Variants in SEMA6B observed in about 807,000 individuals in gnomAD.
SEMA6B encodes the protein semaphorin 6B, also known as semaphorin-6B.
Under a neutral mutation model 78.6 loss-of-function variants are expected in SEMA6B, and 47 were observed. That is an observed-to-expected ratio of 0.60 (90% CI 0.47 to 0.76). The LOEUF is 0.76. Among genes scored for constraint, SEMA6B ranks in the 30% least tolerant of loss-of-function variants. SEMA6B has a pLI of 0.00. For synonymous variants in SEMA6B, 632 were observed against 592.2 expected (o/e 1.07, Z -0.98); for missense variants, 1,213 against 1,269.9 (o/e 0.96, Z 0.68).
chr19:4,543,593 C>A lies in SEMA6B; in HGVS notation c.*8G>T. On this transcript the variant is annotated 3_prime_UTR_variant, in exon 17 of 17. Transcript: ENST00000586582. ...CTGGCACTGCCAAGGCATCGGGGGG[C>A]CCCCGGCCTAGGGCACGGGGGGCGC... The A allele has an allele frequency of 2.5e-6, 3 of 1,215,302 alleles. No homozygotes were observed. Among genetic ancestry groups the A allele is most frequent in the East Asian group, 3.1e-5 (1 of 32,118 alleles). The allele number at this position is 1,215,302 out of a possible 1,614,324, so 75.3% of individuals were successfully genotyped here.
Position 4,550,090 on chromosome 19 carries a change from C to G in SEMA6B, c.1271+33G>C. 6.2e-7 allele frequency: 1 copy of G among 1,609,482 alleles called. No individual in the cohort carries two copies. Among genetic ancestry groups the G allele is most frequent in the Non-Finnish European group, 8.5e-7 (1 of 1,177,398 alleles). ...ACCCTCCATCTACCCCATCCTGTCT[C>G]CCCTCGCCATGCCCTGCCTCTCCAG... On this transcript the variant is annotated intron_variant, in intron 12 of 16. Transcript: ENST00000586582. The surrounding 1 kb of genome is among the most constrained non-coding windows in gnomAD (Gnocchi z 6.6).
In SEMA6B at chr19:4,549,645, A is replaced by AT. The variant is rs558400820; in HGVS notation, c.1271+477dup. On this transcript the variant is annotated intron_variant, in intron 12 of 16. Transcript: ENST00000586582. ...AGGCGCCTGCCACCACGCCCAGCTA[A>AT]TTTTTTGTATTTTTAGTAGAGACGG... 1.3e-3 allele frequency among the ~76,000 whole-genome samples: 196 copies of AT among 152,084 alleles called. 5 individuals carry two copies. In the East Asian group the frequency reaches 0.033, roughly 26 times the overall value.
In SEMA6B at chr19:4,546,347, G is replaced by A. The variant is rs761990093; in HGVS notation, c.1679+45C>T. ...GAGATCAGGGGGATCTGGGATCATG[G>A]GCGGGTCTGACACACCCTCCACCCA... On this transcript the variant is annotated intron_variant, in intron 15 of 16. Transcript: ENST00000586582. 3.1e-6 allele frequency: 5 copies of A among 1,592,236 alleles called. No homozygotes were observed. In the African/African-American group the frequency reaches 5.4e-5, roughly 17 times the overall value.
chr19:4,552,535 G>A lies in SEMA6B; in HGVS notation c.876C>T (p.Cys292=), dbSNP rs753020253. ...AGAAATGGGAGTCTCCGGGTACAGA[G>A]CAGTTGAGCCGCGCCTTCAGGAAGG... is the stretch of plus-strand genomic sequence containing the variant. ...WTSFLKARLN[C]SVPGDSHFYF... The change falls in exon 10 of 17, where the codon TGC becomes TGT. Residue 292 remains cysteine (C), a synonymous_variant. Coordinates refer to ENST00000586582, the MANE Select transcript of SEMA6B (RefSeq NM_032108.4). The surrounding 1 kb of genome is among the most constrained non-coding windows in gnomAD (Gnocchi z 7.4). The A allele has an allele frequency of 5.0e-6, 8 of 1,612,942 alleles. No homozygotes were observed. Among genetic ancestry groups the A allele is most frequent in the Middle Eastern group, 3.3e-4 (2 of 6,060 alleles).
chr19:4,555,221 G>A lies in SEMA6B; in HGVS notation c.563-126C>T, dbSNP rs1017833402. ...AGGGGAGCCCCTGTCTCCAGGCTGA[G>A]CCCTGATCCCATCCAAGCCCCACCT... is the stretch of plus-strand genomic sequence containing the variant. On this transcript the variant is annotated intron_variant, in intron 7 of 16. Transcript: ENST00000586582. This position sits in a 1 kb window ranked among gnomAD's most constrained non-coding sequence, Gnocchi z 6.1. 8 of 1,062,894 alleles carry A rather than the reference G, an allele frequency of 7.5e-6. No individual in the cohort carries two copies. In the Admixed American group the frequency reaches 1.9e-4, roughly 25 times the overall value. 65.8% of individuals were successfully genotyped at this position (1,062,894 alleles called of 1,614,324 possible). A position where few individuals can be genotyped will look rare whatever the true frequency, so the allele number is the denominator to read the frequency against.
intron 16 of SEMA6B, chr19:4,545,675 T>G (rs990435166): frequency 1.3e-5 from 2 of 152,956 alleles, no homozygotes; most frequent in African/African-American, 2.4e-5. Flanking sequence ...GTCTGCCTTC[T>G]GTTGTCTCTT....
chr19:4,556,955 T>C lies in SEMA6B; in HGVS notation c.365A>G (p.Gln122Arg), dbSNP rs1296989798. The C allele has an allele frequency of 3.7e-6, 6 of 1,612,964 alleles. No individual in the cohort carries two copies. Among genetic ancestry groups the C allele is most frequent in the Non-Finnish European group, 5.1e-6 (6 of 1,179,424 alleles). Residue 122 changes from glutamine to arginine, a missense_variant, in exon 5 of 17, where the codon CAG becomes CGG. Physicochemically the swap from Gln to Arg is conservative, Grantham distance 43. Coordinates refer to ENST00000586582, the MANE Select transcript of SEMA6B (RefSeq NM_032108.4). The stretch of plus-strand genomic sequence containing the variant: ...ACCGAGCCAGGGCCAACTCACCTCC[T>C]GTTTGCCCTTCATCCGACACACGTT... ...DINVCRMKGK[Q>R]EGECRNFVKV...
At position 4,544,270 on chromosome 19, in the gene SEMA6B, GC is replaced by G; in HGVS notation, c.1997del (p.Gly666AlafsTer19). On this transcript the variant is annotated frameshift_variant, in exon 17 of 17. Coordinates refer to ENST00000586582, the MANE Select transcript of SEMA6B (RefSeq NM_032108.4). LOFTEE classifies it high-confidence loss of function. This position sits in a 1 kb window ranked among gnomAD's most constrained non-coding sequence, Gnocchi z 5.1. ...CCCCGGCGCCACCGCCACCGCCTCCGCCCCGGCCCCCGGGACCCTGCGCCCT... is the reference window on the plus strand; with the variant it reads ...CCCCGGCGCCACCGCCACCGCCTCCGCCCGGCCCCCGGGACCCTGCGCCCT... ...ERRAQGPGGR[G>X]GGGGGGAGVP... is the part of the protein sequence containing the mutation. The G allele has an allele frequency of 7.7e-7, 1 of 1,306,530 alleles. No individual in the cohort carries two copies. The highest frequency in any genetic ancestry group is 1.6e-5 in the African/African-American group (1 of 64,274). 80.9% of individuals were successfully genotyped at this position (1,306,530 alleles called of 1,614,324 possible).
Position 4,552,182 on chromosome 19 carries a change from C to T in SEMA6B, c.989+240G>A, listed in dbSNP as rs1977350327. On this transcript the variant is annotated intron_variant, in intron 10 of 16. Transcript: ENST00000586582. The surrounding 1 kb of genome is among the most constrained non-coding windows in gnomAD (Gnocchi z 7.4). ...CTCCAATGTCCCCTCCTCCAGGAAGCCCTCCCTGCTCCTCTCCCCAAAGGC... is the reference window on the plus strand; with the variant it reads ...CTCCAATGTCCCCTCCTCCAGGAAGTCCTCCCTGCTCCTCTCCCCAAAGGC... 6.6e-6 allele frequency among the ~76,000 whole-genome samples: 1 copy of T among 152,192 alleles called. No homozygotes were observed. The highest frequency in any genetic ancestry group is 2.1e-4 in the South Asian group (1 of 4,832).
chr19:4,552,543 G>T lies in SEMA6B; in HGVS notation c.868C>A (p.Leu290Ile). 1 of 1,612,918 alleles carries T rather than the reference G, an allele frequency of 6.2e-7. No homozygotes were observed. The highest frequency in any genetic ancestry group is 8.5e-7 in the Non-Finnish European group (1 of 1,179,990). Residue 290 changes from leucine (L) to isoleucine (I), a missense_variant, in exon 10 of 17, where the codon CTC becomes ATC. Coordinates refer to ENST00000586582, the MANE Select transcript of SEMA6B (RefSeq NM_032108.4). The surrounding 1 kb of genome is among the most constrained non-coding windows in gnomAD (Gnocchi z 7.4). ...KQWTSFLKAR[L>I]NCSVPGDSHF... The stretch of plus-strand genomic sequence containing the variant: ...GAGTCTCCGGGTACAGAGCAGTTGA[G>T]CCGCGCCTTCAGGAAGGACGTCCAC...
Position 4,548,165 on chromosome 19 carries a change from C to G in SEMA6B, c.1463G>C (p.Arg488Pro). Residue 488 changes from arginine to proline, a missense_variant, in exon 14 of 17, where the codon CGG becomes CCG. Arg to Pro is a moderately radical substitution (Grantham distance 103). Transcript: ENST00000586582. ...FETYRPDRCG[R>P]PGGGETGQRL... ...CTGCCCTGTCTCGCCACCGCCGGGC[C>G]GTCCACACCTGGGGACAAGCAGAGT... 6.3e-7 allele frequency: 1 copy of G among 1,591,050 alleles called. No individual in the cohort carries two copies. The highest frequency in any genetic ancestry group is 2.3e-5 in the East Asian group (1 of 44,264).
In SEMA6B at chr19:4,550,592, G is replaced by A. The variant is rs574918894; in HGVS notation, c.1121+207C>T. On this transcript the variant is annotated intron_variant, in intron 11 of 16. Coordinates refer to ENST00000586582, the MANE Select transcript of SEMA6B (RefSeq NM_032108.4). The surrounding 1 kb of genome is among the most constrained non-coding windows in gnomAD (Gnocchi z 6.6). ...TTGGTCGGGCTGGTCTCAAACCCTC[G>A]ACCTCAGGTGATCTGCCCACCTCCG... Among the ~76,000 whole-genome samples the A allele has an allele frequency of 9.9e-5, 15 of 152,086 alleles. No individual in the cohort carries two copies. The highest frequency in any genetic ancestry group is 2.1e-4 in the South Asian group (1 of 4,826).
At chr19:4,556,842 G>T in intron 5 of SEMA6B, 109 bp downstream of exon 5, 1 of 1,007,102 alleles carries the variant, frequency 9.9e-7, no homozygotes, top group Non-Finnish European at 1.5e-6. Flanking sequence ...GGTGGGTTGG[G>T]GCGTGGCCAG....
At chr19:4,554,886 C>G in intron 8 of SEMA6B, 90 bp downstream of exon 8, 3 of 1,472,374 alleles carry the variant, frequency 2.0e-6, no homozygotes, top group Non-Finnish European at 2.8e-6. Context: ...CACCAAGCTC[C>G]TCTGGGACTC....
At position 4,557,976 on chromosome 19, in the gene SEMA6B, C is replaced by T. The variant is rs769989272; in HGVS notation, c.245+50G>A. ...GCCCTCGCCTCCTCTCTCTCTCCCC[C>T]TCGCTCATTCTGCTCGTCACACAGG... On this transcript the variant is annotated intron_variant, in intron 3 of 16. Coordinates refer to ENST00000586582, the MANE Select transcript of SEMA6B (RefSeq NM_032108.4). 1.6e-5 allele frequency: 21 copies of T among 1,305,766 alleles called. No individual in the cohort carries two copies. The Middle Eastern group carries it at 6.0e-4, about 37-fold the overall frequency. 80.9% of individuals were successfully genotyped at this position (1,305,766 alleles called of 1,614,324 possible). A position where few individuals can be genotyped will look rare whatever the true frequency, so the allele number is the denominator to read the frequency against.
Position 4,558,437 on chromosome 19 carries a change from G to A in SEMA6B, c.21C>T (p.Ser7=). Residue 7 remains serine, a synonymous_variant, in exon 2 of 17, where the codon TCC becomes TCT. Transcript: ENST00000586582. The surrounding 1 kb of genome is among the most constrained non-coding windows in gnomAD (Gnocchi z 5.1). MQTPRA[S]PPRPALLLLL... Reference sequence around the variant, plus strand: ...GAAGCAGCAGGGCCGGGCGGGGAGGGGACGCTCGCGGGGTCTGCATGGCGA... The same window carrying A: ...GAAGCAGCAGGGCCGGGCGGGGAGGAGACGCTCGCGGGGTCTGCATGGCGA... 1 of 1,252,442 alleles carries A rather than the reference G, an allele frequency of 8.0e-7. No homozygotes were observed. 77.6% of individuals were successfully genotyped at this position (1,252,442 alleles called of 1,614,324 possible).
chr19:4,552,162 A>T lies in SEMA6B; in HGVS notation c.989+260T>A, dbSNP rs1027501259. On this transcript the variant is annotated intron_variant, in intron 10 of 16. Coordinates refer to ENST00000586582, the MANE Select transcript of SEMA6B (RefSeq NM_032108.4). This position sits in a 1 kb window ranked among gnomAD's most constrained non-coding sequence, Gnocchi z 7.4. ...ATCTCACACCCAAAGTCCAGCTCCA[A>T]TGTCCCCTCCTCCAGGAAGCCCTCC... Among the ~76,000 whole-genome samples the T allele has an allele frequency of 6.6e-6, 1 of 152,084 alleles. No individual in the cohort carries two copies. Among genetic ancestry groups the T allele is most frequent in the Non-Finnish European group, 1.5e-5 (1 of 68,004 alleles).
At position 4,543,828 on chromosome 19, in the gene SEMA6B, C is replaced by T. The variant is rs1430889074; in HGVS notation, c.2440G>A (p.Ala814Thr). 6.6e-6 allele frequency: 8 copies of T among 1,214,260 alleles called. No homozygotes were observed. In the East Asian group the frequency reaches 1.7e-4, roughly 25 times the overall value. 75.2% of individuals were successfully genotyped at this position (1,214,260 alleles called of 1,614,324 possible). A position where few individuals can be genotyped will look rare whatever the true frequency, so the allele number is the denominator to read the frequency against. The change falls in exon 17 of 17, where the codon GCC (alanine) becomes ACC (threonine). Residue 814 changes from alanine (A) to threonine (T), a missense_variant. Transcript: ENST00000586582. Reference protein sequence around the residue: ...PTGPLDPASAADGLPRPWSPP... With the variant: ...PTGPLDPASATDGLPRPWSPP... Reference sequence around the variant, plus strand: ...CTCCAGGGCCGCGGGAGGCCATCGGCGGCTGAGGCTGGGTCCAAGGGGCCC... The same window carrying T: ...CTCCAGGGCCGCGGGAGGCCATCGGTGGCTGAGGCTGGGTCCAAGGGGCCC...
intron 16 of SEMA6B, among the ~76,000 whole-genome samples, chr19:4,545,258 T>C: frequency 6.6e-6 from 1 of 150,646 alleles, no homozygotes; most frequent in South Asian, 2.1e-4. Context: ...GGAGAATCAA[T>C]TGAACCCGGG....
Sources: gnomAD v4.1 joint callset for allele counts (sites outside exome capture counted in the v4.1 genomes callset) on GRCh38, gnomAD v4.1.1 for gene constraint, Gnocchi (gnomAD v3.1) non-coding constraint, MANE v1.5 for transcripts, NCBI Gene and HGNC (gene_info 2026-07-23, HGNC 2026-07-21) for gene names.